MDGA2: variants seen among roughly 807,000 people sequenced by gnomAD.
MDGA2 encodes the protein MAM domain containing glycosylphosphatidylinositol anchor 2, also known as MAM domain-containing glycosylphosphatidylinositol anchor protein 2.
MDGA2 carries 40 observed loss-of-function variants against 117.8 expected under a neutral mutation model. The observed-to-expected ratio is 0.34, with a 90% CI of 0.26 to 0.44. MDGA2 has a LOEUF of 0.44. Among genes scored for constraint, MDGA2 ranks in the 20% least tolerant of loss-of-function variants. The pLI is 1.00. For synonymous variants in MDGA2, 452 were observed against 439.0 expected, an observed-to-expected ratio of 1.03 and a Z score of -0.37; for missense variants, 1,123 against 1,250.6, an observed-to-expected ratio of 0.90 and a Z score of 1.54.
At chr14:46,909,566 A>C (rs915691843) in intron 10 of MDGA2, among the ~76,000 whole-genome samples, 1 of 152,180 alleles carries the variant, frequency 6.6e-6, no homozygotes. Flanking sequence ...AGAAGCACTT[A>C]ACTGAGTTCA....
At chr14:47,399,584 C>T (rs972509943) in intron 1 of MDGA2, among the ~76,000 whole-genome samples, 1 of 152,108 alleles carries the variant, frequency 6.6e-6, no homozygotes, top group African/African-American at 2.4e-5. Flanking sequence ...GGCATGGCAT[C>T]GTGGCTAAAT....
chr14:47,018,216 A>T (rs1168771848), intron 8 of MDGA2, among the ~76,000 whole-genome samples: 3 of 152,084 alleles, frequency 2.0e-5, no homozygotes, highest in African/African-American at 7.2e-5. Context: ...ACAGGAGTCT[A>T]AACAGGAGAA....
At chr14:47,637,883 A>G (rs1897352362) in intron 1 of MDGA2, among the ~76,000 whole-genome samples, 1 of 152,172 alleles carries the variant, frequency 6.6e-6, no homozygotes, top group African/African-American at 2.4e-5. Context: ...GGTGAGGCAA[A>G]CTAAAACACA....
intron 1 of MDGA2, among the ~76,000 whole-genome samples, chr14:47,545,527 T>C (rs933827363): frequency 4.6e-5 from 7 of 152,138 alleles, no homozygotes; most frequent in Non-Finnish European, 1.0e-4. Context: ...ATGAAAGCTA[T>C]AGATTAAAGG....
intron 1 of MDGA2, among the ~76,000 whole-genome samples, chr14:47,340,960 A>G (rs1890603113): frequency 6.6e-6 from 1 of 152,164 alleles, no homozygotes; most frequent in Non-Finnish European, 1.5e-5. Flanking sequence ...TTAAGAGAAT[A>G]TTGATTCAGG....
chr14:47,448,340 A>G lies in MDGA2; in HGVS notation c.281-146790T>C, dbSNP rs144368224. On this transcript the variant is annotated intron_variant, in intron 1 of 16. Coordinates refer to ENST00000399232, the MANE Select transcript of MDGA2 (RefSeq NM_001113498.3). ...TTTTAGTAGAGACAGGGTTTTCATC[A>G]TGTTGGCCAGGCTGGTCTCGAACTC... Among the ~76,000 whole-genome samples, 21 of 151,904 alleles carry G rather than the reference A, an allele frequency of 1.4e-4. No homozygotes were observed. The East Asian group carries it at 4.1e-3, about 30-fold the overall frequency.
At chr14:47,340,975 T>C (rs1890603643) in intron 1 of MDGA2, among the ~76,000 whole-genome samples, 1 of 152,176 alleles carries the variant, frequency 6.6e-6, no homozygotes, top group African/African-American at 2.4e-5. Flanking sequence ...TTCAGGTTGG[T>C]TGCTTGTACT....
intron 1 of MDGA2, among the ~76,000 whole-genome samples, chr14:47,523,720 A>G (rs1894917127): frequency 1.3e-5 from 2 of 152,148 alleles, no homozygotes; most frequent in South Asian, 2.1e-4. Context: ...ATGTGAGCCT[A>G]TAGCTAGACT....
chr14:46,936,974 C>G (rs1884805354), intron 9 of MDGA2, among the ~76,000 whole-genome samples: 1 of 152,090 alleles, frequency 6.6e-6, no homozygotes, highest in Middle Eastern at 3.4e-3. Context: ...AAGTAAAAGG[C>G]ATCCAAATTG....
chr14:46,867,974 A>G (rs1881844619), intron 14 of MDGA2, among the ~76,000 whole-genome samples: 1 of 151,674 alleles, frequency 6.6e-6, no homozygotes, highest in Non-Finnish European at 1.5e-5. Flanking sequence ...ACTACCTTCT[A>G]TTTCCAAACT....
intron 3 of MDGA2, among the ~76,000 whole-genome samples, chr14:47,184,374 T>G (rs1327204000): frequency 6.6e-6 from 1 of 151,934 alleles, no homozygotes; most frequent in Non-Finnish European, 1.5e-5. Flanking sequence ...TGGGATATTT[T>G]AGAACATTTT....
intron 2 of MDGA2, 128 bp downstream of exon 2, chr14:47,301,280 CACA>C: frequency 2.3e-6 from 2 of 872,862 alleles, no homozygotes; most frequent in Non-Finnish European, 3.3e-6. Context: ...TACACACACA[CACA>C]CCCACACCCA....
intron 3 of MDGA2, among the ~76,000 whole-genome samples, chr14:47,166,465 G>A (rs2182526): frequency 0.5 from 76,733 of 151,950 alleles, 20,592 homozygotes; most frequent in African/African-American, 0.7. Context: ...TATATTCTCT[G>A]TCTACTCAAA....
At chr14:47,120,217 C>T (rs746492018) in intron 5 of MDGA2, among the ~76,000 whole-genome samples, 2 of 152,052 alleles carry the variant, frequency 1.3e-5, no homozygotes, top group Non-Finnish European at 2.9e-5. Flanking sequence ...CCTATTTGTG[C>T]CCAAAATCCA....
intron 1 of MDGA2, among the ~76,000 whole-genome samples, chr14:47,598,209 T>G (rs1896582836): frequency 6.6e-6 from 1 of 152,188 alleles, no homozygotes; most frequent in Non-Finnish European, 1.5e-5. Context: ...ATTGCAATCC[T>G]TATGTATTGT....
intron 1 of MDGA2, among the ~76,000 whole-genome samples, chr14:47,340,372 T>C (rs1015492702): frequency 5.3e-5 from 8 of 152,094 alleles, no homozygotes; most frequent in African/African-American, 1.9e-4. Flanking sequence ...CTGTGGTCTT[T>C]CCCAGTCAGT....
intron 5 of MDGA2, among the ~76,000 whole-genome samples, chr14:47,130,207 A>G (rs919339333): frequency 1.3e-5 from 2 of 152,074 alleles, no homozygotes; most frequent in Non-Finnish European, 2.9e-5. Context: ...GTTTTCTTCT[A>G]GGGTTTTTAT....
chr14:47,476,478 G>A (rs1893840633), intron 1 of MDGA2, among the ~76,000 whole-genome samples: 1 of 151,802 alleles, frequency 6.6e-6, no homozygotes, highest in Non-Finnish European at 1.5e-5. Flanking sequence ...AATATCATAT[G>A]ATGTCATTGA....
chr14:47,230,718 A>G (rs1168361273), intron 2 of MDGA2, among the ~76,000 whole-genome samples: 1 of 151,992 alleles, frequency 6.6e-6, no homozygotes, highest in African/African-American at 2.4e-5. Flanking sequence ...TACATCTGTC[A>G]GTTTACAATT....
Sources: allele counts gnomAD v4.1 joint callset (sites outside exome capture counted in the v4.1 genomes callset), GRCh38; gene constraint gnomAD v4.1.1; transcripts MANE v1.5; gene names NCBI Gene and HGNC (gene_info 2026-07-23, HGNC 2026-07-21).